Variants in PADI6 observed in about 807,000 individuals in gnomAD.
PADI6 encodes inactive protein-arginine deiminase type-6.
A neutral mutation model predicts 78.2 loss-of-function variants in PADI6; 66 were observed. The observed-to-expected ratio is 0.84, with a 90% CI of 0.69 to 1.04. The LOEUF (loss-of-function observed/expected upper bound fraction) is 1.04. Ranked by LOEUF, PADI6 falls within the 50% of genes least tolerant of loss-of-function variation. The probability of loss-of-function intolerance (pLI) is 0.00; values close to 1 mark genes in which losing one functional copy is unlikely to be tolerated. For synonymous variants in PADI6, 397 were observed against 346.9 expected (o/e 1.14, Z -1.60); for missense variants, 854 against 866.1 (o/e 0.99, Z 0.18).
At chr1:17,391,480 A>G (rs1013225143) in intron 8 of PADI6, among the ~76,000 whole-genome samples, 2 of 152,188 alleles carry the variant, frequency 1.3e-5, no homozygotes, top group Admixed American at 1.3e-4. Flanking sequence ...TCAGCCTCCC[A>G]AAGTGCTGGG....
chr1:17,401,636 G>T lies in PADI6; in HGVS notation c.*198G>T. ...GCTTGAACCCCTATGGGGAAAAGAT[G>T]CAAAAGTGTTCAGCCAAGTGACGTT... On this transcript the variant is annotated 3_prime_UTR_variant, in exon 16 of 16. Transcript: ENST00000619609. 1.7e-6 allele frequency: 1 copy of T among 593,800 alleles called. No homozygotes were observed. The highest frequency in any genetic ancestry group is 3.0e-6 in the Non-Finnish European group (1 of 336,450). 36.8% of individuals were successfully genotyped at this position (593,800 alleles called of 1,614,324 possible).
At chr1:17,380,020 G>A (rs955747466) in intron 4 of PADI6, 33 bp downstream of exon 4, 7 of 1,607,926 alleles carry the variant, frequency 4.4e-6, no homozygotes, top group Non-Finnish European at 6.0e-6. Context: ...GCAGGGAAGG[G>A]GCCCTATAAG....
intron 6 of PADI6, among the ~76,000 whole-genome samples, chr1:17,388,133 A>G (rs2075141201): frequency 6.6e-6 from 1 of 152,212 alleles, no homozygotes; most frequent in Non-Finnish European, 1.5e-5. Context: ...CCTGAGCTCC[A>G]ACTCCTGGCA....
At chr1:17,388,734 A>T in intron 7 of PADI6, 43 bp from the exon 8 acceptor site, 1 of 1,581,364 alleles carries the variant, frequency 6.3e-7, no homozygotes, top group Non-Finnish European at 8.7e-7. Context: ...GGGAGCGAGT[A>T]AATGTGGAAG....
chr1:17,399,397 G>A (rs143596806), intron 15 of PADI6, among the ~76,000 whole-genome samples: 3,438 of 152,220 alleles, frequency 0.023, 69 homozygotes, highest in Non-Finnish European at 0.032. Context: ...TCAGGAGTTT[G>A]AGACCAGCCT....
chr1:17,395,108 G>C lies in PADI6; in HGVS notation c.1494+1G>C, dbSNP rs188707261. 1.2e-6 allele frequency: 2 copies of C among 1,613,678 alleles called. No homozygotes were observed. Among genetic ancestry groups the C allele is most frequent in the Admixed American group, 1.7e-5 (1 of 59,996 alleles). On this transcript the variant is annotated splice_donor_variant, in intron 12 of 15. Coordinates refer to ENST00000619609, the MANE Select transcript of PADI6 (RefSeq NM_207421.4). LOFTEE classifies it high-confidence loss of function. ...AGATGACAAGAATGAGGGCAAAAAG[G>C]TCTGCTTTGGGGTCTGGAGAAGGGA...
Position 17,389,015 on chromosome 1 carries a change from T to C in PADI6, c.962+135T>C, listed in dbSNP as rs976895777. 2.1e-5 allele frequency: 14 copies of C among 676,994 alleles called. No homozygotes were observed. In the African/African-American group the frequency reaches 2.4e-4, roughly 11 times the overall value. 41.9% of individuals were successfully genotyped at this position (676,994 alleles called of 1,614,324 possible). A position where few individuals can be genotyped will look rare whatever the true frequency, so the allele number is the denominator to read the frequency against. The stretch of plus-strand genomic sequence containing the variant: ...AGTTGAAACCCTTCTGTCTGAGCTG[T>C]CTGGACCTGCCCCAAGACAGTCCAA... On this transcript the variant is annotated intron_variant, in intron 8 of 15. Transcript: ENST00000619609.
At chr1:17,380,327 A>G (rs180731803) in intron 4 of PADI6, among the ~76,000 whole-genome samples, 81 of 152,146 alleles carry the variant, frequency 5.3e-4, no homozygotes, top group African/African-American at 1.9e-3. Flanking sequence ...CTCCTGCCTC[A>G]GCCTCCTGAG....
chr1:17,398,506 G>A (rs1420504064), intron 14 of PADI6, among the ~76,000 whole-genome samples, 180 bp from the exon 15 acceptor site: 1 of 152,144 alleles, frequency 6.6e-6, no homozygotes, highest in Non-Finnish European at 1.5e-5. Flanking sequence ...ATGTGAAAAG[G>A]GAACTGCCTA....
At chr1:17,385,877 A>G (rs1361532310) in intron 6 of PADI6, among the ~76,000 whole-genome samples, 1 of 152,214 alleles carries the variant, frequency 6.6e-6, no homozygotes, top group Non-Finnish European at 1.5e-5. Context: ...TAAGTCCAGC[A>G]GTACATGGCA....
intron 9 of PADI6, among the ~76,000 whole-genome samples, chr1:17,393,724 C>T (rs2762898): frequency 6.2e-4 from 95 of 152,234 alleles, no homozygotes; most frequent in African/African-American, 1.6e-3. Flanking sequence ...ATCCACCCAC[C>T]TTGGCCACCC....
At chr1:17,380,969 C>T (rs1186286921) in intron 4 of PADI6, 78 bp from the exon 5 acceptor site, 2 of 1,249,186 alleles carry the variant, frequency 1.6e-6, no homozygotes, top group Non-Finnish European at 2.2e-6. Context: ...GGCTGGGCCC[C>T]TCTGCTATGA....
intron 13 of PADI6, among the ~76,000 whole-genome samples, chr1:17,396,257 A>G (rs1217289000): frequency 6.6e-6 from 1 of 152,164 alleles, no homozygotes; most frequent in Non-Finnish European, 1.5e-5. Flanking sequence ...ATGGTGGTGC[A>G]TGCCTGTAAT....
chr1:17,384,594 C>T (rs1300710744), intron 6 of PADI6, among the ~76,000 whole-genome samples: 1 of 152,090 alleles, frequency 6.6e-6, no homozygotes, highest in African/African-American at 2.4e-5. Flanking sequence ...CCAAAATTAG[C>T]TAGGTGTGGT....
chr1:17,385,280 AG>A (rs2075109179), intron 6 of PADI6, among the ~76,000 whole-genome samples: 1 of 152,176 alleles, frequency 6.6e-6, no homozygotes, highest in South Asian at 2.1e-4. Flanking sequence ...CCAGCATCTC[AG>A]GTGCAAGAGT....
intron 6 of PADI6, among the ~76,000 whole-genome samples, chr1:17,383,387 T>C (rs1263151954): frequency 1.3e-5 from 2 of 152,186 alleles, no homozygotes; most frequent in African/African-American, 4.8e-5. Context: ...CCCAGGGGTC[T>C]AGGTCTGGTT....
At chr1:17,390,688 G>T (rs55964714) in intron 8 of PADI6, among the ~76,000 whole-genome samples, 1 of 151,640 alleles carries the variant, frequency 6.6e-6, no homozygotes, top group Admixed American at 6.6e-5. Flanking sequence ...CTCCTGGGGA[G>T]TGTGGTCCTC....
chr1:17,374,639 C>T (rs1486771101), intron 2 of PADI6, among the ~76,000 whole-genome samples: 1 of 152,066 alleles, frequency 6.6e-6, no homozygotes, highest in African/African-American at 2.4e-5. Flanking sequence ...AAAAAGGTAT[C>T]TCAGATAAGA....
Position 17,372,478 on chromosome 1 carries a change from T to A in PADI6, c.116+117T>A, listed in dbSNP as rs1431905606. Reference sequence around the variant, plus strand: ...TCTCTAGCCTCACTATCCTGCCCCATCTTGGGAAGCCTTGGGTCTCTAGTG... The same window carrying A: ...TCTCTAGCCTCACTATCCTGCCCCAACTTGGGAAGCCTTGGGTCTCTAGTG... On this transcript the variant is annotated intron_variant, in intron 1 of 15. Coordinates refer to ENST00000619609, the MANE Select transcript of PADI6 (RefSeq NM_207421.4). 3.1e-6 allele frequency: 3 copies of A among 968,718 alleles called. No individual in the cohort carries two copies. In the African/African-American group the frequency reaches 4.8e-5, roughly 16 times the overall value. 60.0% of individuals were successfully genotyped at this position (968,718 alleles called of 1,614,324 possible).
Sources: gnomAD v4.1 joint callset for allele counts (sites outside exome capture counted in the v4.1 genomes callset) on GRCh38, gnomAD v4.1.1 for gene constraint, MANE v1.5 for transcripts, NCBI Gene and HGNC (gene_info 2026-07-23, HGNC 2026-07-21) for gene names.